The following GABRA2 variants were observed in gnomAD, a reference collection of about 807,000 sequenced individuals.
GABRA2 encodes the protein gamma-aminobutyric acid type A receptor subunit alpha2, also known as gamma-aminobutyric acid receptor subunit alpha-2.
Under a neutral mutation model 48.7 loss-of-function variants are expected in GABRA2, and 16 were observed. That is an observed-to-expected ratio of 0.33 (90% CI 0.22 to 0.50). The LOEUF is 0.50. Ranked by LOEUF, GABRA2 falls within the 20% of genes least tolerant of loss-of-function variation. The pLI is 0.98. For synonymous variants in GABRA2, 185 were observed against 184.5 expected (o/e 1.00, Z -0.02); for missense variants, 275 against 535.6 (o/e 0.51, Z 4.80).
intron 6 of GABRA2, 67 bp from the exon 7 acceptor site, chr4:46,305,778 C>T (rs555504749): frequency 1.1e-5 from 13 of 1,176,858 alleles, no homozygotes; most frequent in Admixed American, 9.8e-5. Flanking sequence ...GCTACACGAA[C>T]GGTTGTGTAT....
chr4:46,297,249 G>A (rs1279099098), intron 8 of GABRA2, among the ~76,000 whole-genome samples: 1 of 151,846 alleles, frequency 6.6e-6, no homozygotes. Flanking sequence ...CTAATCAGCT[G>A]CCAGTGCAGC....
intron 8 of GABRA2, among the ~76,000 whole-genome samples, chr4:46,270,126 T>C (rs1719040800): frequency 6.6e-6 from 1 of 152,014 alleles, no homozygotes; most frequent in Non-Finnish European, 1.5e-5. Context: ...TTCTAGGCAA[T>C]GAAACATTAC....
chr4:46,276,653 A>T (rs1470783171), intron 8 of GABRA2, among the ~76,000 whole-genome samples: 1 of 151,996 alleles, frequency 6.6e-6, no homozygotes, highest in Non-Finnish European at 1.5e-5. Flanking sequence ...TAATAGAAAA[A>T]GTGAAAGCAT....
intron 1 of GABRA2, chr4:46,389,159 C>T (rs201783908): frequency 2.1e-4 from 208 of 989,642 alleles, no homozygotes; most frequent in Non-Finnish European, 2.4e-4. Context: ...ACCCCCTCAA[C>T]CAAGACCACC....
intron 6 of GABRA2, among the ~76,000 whole-genome samples, chr4:46,307,633 A>G (rs1318581755): frequency 1.3e-5 from 2 of 152,098 alleles, no homozygotes; most frequent in African/African-American, 4.8e-5. Context: ...ACACAGAAGA[A>G]AAAGTCTCAA....
At chr4:46,256,011 G>A (rs1715736394) in intron 9 of GABRA2, among the ~76,000 whole-genome samples, 2 of 151,406 alleles carry the variant, frequency 1.3e-5, no homozygotes, top group Non-Finnish European at 3.0e-5. Context: ...AATAGGCTTT[G>A]GAGAAAAAAA....
intron 8 of GABRA2, among the ~76,000 whole-genome samples, chr4:46,265,486 T>A (rs1718007453): frequency 7.6e-6 from 1 of 131,094 alleles, no homozygotes; most frequent in African/African-American, 3.6e-5. Flanking sequence ...TGTGTATATA[T>A]TATATATATA....
intron 3 of GABRA2, among the ~76,000 whole-genome samples, chr4:46,371,727 G>A (rs1714922858): frequency 6.6e-6 from 1 of 152,046 alleles, no homozygotes; most frequent in Non-Finnish European, 1.5e-5. Flanking sequence ...TTTTGTAAAA[G>A]TATAAGAAAT....
At chr4:46,378,858 G>A (rs1716359374) in intron 3 of GABRA2, among the ~76,000 whole-genome samples, 1 of 151,728 alleles carries the variant, frequency 6.6e-6, no homozygotes, top group African/African-American at 2.4e-5. Context: ...AATATTTTCT[G>A]GGCCATGCAC....
intron 3 of GABRA2, among the ~76,000 whole-genome samples, chr4:46,361,348 C>T (rs549439637): frequency 1.5e-4 from 23 of 152,274 alleles, no homozygotes; most frequent in South Asian, 2.1e-4. Flanking sequence ...TAAAAGAGGA[C>T]AAGTTACAGC....
At chr4:46,364,592 C>T (rs1713746721) in intron 3 of GABRA2, 2 of 152,136 alleles carry the variant, frequency 1.3e-5, no homozygotes, top group Non-Finnish European at 2.9e-5. Context: ...AAATCTAGTT[C>T]CTTGCAGCTG....
At chr4:46,338,145 T>C (rs1355766002) in intron 3 of GABRA2, among the ~76,000 whole-genome samples, 1 of 151,906 alleles carries the variant, frequency 6.6e-6, no homozygotes, top group South Asian at 2.1e-4. Context: ...TAATAGTACA[T>C]GTAGAGTTGA....
intron 8 of GABRA2, among the ~76,000 whole-genome samples, chr4:46,297,810 G>A (rs1250015262): frequency 6.6e-6 from 1 of 151,264 alleles, no homozygotes; most frequent in Admixed American, 6.6e-5. Context: ...TTGTCCTTAT[G>A]TTTTTATTCC....
intron 8 of GABRA2, among the ~76,000 whole-genome samples, chr4:46,288,668 A>G (rs1647654483): frequency 6.6e-6 from 1 of 152,208 alleles, no homozygotes; most frequent in African/African-American, 2.4e-5. Context: ...AGAGTTCATG[A>G]TGAAGATGAT....
chr4:46,361,806 T>A (rs1158167249), intron 3 of GABRA2, among the ~76,000 whole-genome samples: 1 of 152,236 alleles, frequency 6.6e-6, no homozygotes, highest in Non-Finnish European at 1.5e-5. Context: ...ACCTCTTGCA[T>A]CAGCATTACC....
At chr4:46,348,824 T>C (rs1373154167) in intron 3 of GABRA2, among the ~76,000 whole-genome samples, 1 of 150,966 alleles carries the variant, frequency 6.6e-6, no homozygotes, top group African/African-American at 2.4e-5. Flanking sequence ...TACCTAATGC[T>C]GAATGACGAG....
intron 8 of GABRA2, among the ~76,000 whole-genome samples, chr4:46,274,737 C>T (rs1451616255): frequency 1.3e-5 from 2 of 152,032 alleles, no homozygotes; most frequent in Non-Finnish European, 2.9e-5. Context: ...GGCTTTATCT[C>T]TAAAATGGGA....
chr4:46,284,077 GAAAA>G (rs3068328), intron 8 of GABRA2, among the ~76,000 whole-genome samples: 15,364 of 123,340 alleles, frequency 0.12, 2,522 homozygotes, highest in African/African-American at 0.4. Context: ...GTTCTTAATA[GAAAA>G]AAAAAAAAAA....
chr4:46,385,983 T>A lies in GABRA2; in HGVS notation c.187+91A>T, dbSNP rs1717395917. On this transcript the variant is annotated intron_variant, in intron 3 of 9. Coordinates refer to ENST00000381620, the MANE Select transcript of GABRA2 (RefSeq NM_000807.4). ...TAATTTTATATACACAGTGATGCAT[T>A]CATATATAAAAGTATTAAAATAGGA... is the stretch of plus-strand genomic sequence containing the variant. 3 of 716,158 alleles carry A rather than the reference T, an allele frequency of 4.2e-6. No homozygotes were observed. In the East Asian group the frequency reaches 8.2e-5, roughly 20 times the overall value. The allele number at this position is 716,158 out of a possible 1,614,324, so 44.4% of individuals were successfully genotyped here. A position where few individuals can be genotyped will look rare whatever the true frequency, so the allele number is the denominator to read the frequency against.
Sources: allele counts gnomAD v4.1 joint callset (sites outside exome capture counted in the v4.1 genomes callset), GRCh38; gene constraint gnomAD v4.1.1; transcripts MANE v1.5; gene names NCBI Gene and HGNC (gene_info 2026-07-23, HGNC 2026-07-21).